CDKL1: variants seen among roughly 807,000 people sequenced by gnomAD.
CDKL1 encodes the protein cyclin-dependent kinase-like 1.
Under a neutral mutation model 42.0 loss-of-function variants are expected in CDKL1, and 41 were observed. The ratio of observed to expected loss-of-function variants is 0.98; its 90% CI spans 0.76 to 1.27. The LOEUF is 1.27. Ranked by LOEUF, CDKL1 falls within the 50% of genes most tolerant of loss-of-function variation. The pLI is 0.00. For missense variants in CDKL1, 394 were observed against 428.4 expected, an observed-to-expected ratio of 0.92 and a Z score of 0.71; for synonymous variants, 153 against 158.6, an observed-to-expected ratio of 0.96 and a Z score of 0.26.
chr14:50,383,565 A>C (rs1211763215), intron 2 of CDKL1, among the ~76,000 whole-genome samples: 5 of 59,076 alleles, frequency 8.5e-5, no homozygotes, highest in African/African-American at 8.3e-5. Flanking sequence ...AAAAAAAAAA[A>C]CAAACAACAA....
intron 3 of CDKL1, among the ~76,000 whole-genome samples, chr14:50,346,912 GT>G (rs2033748199): frequency 6.6e-6 from 1 of 151,962 alleles, no homozygotes; most frequent in Non-Finnish European, 1.5e-5. Flanking sequence ...GCCTCCCAAA[GT>G]GCTGGGATTA....
chr14:50,363,705 C>T (rs2034354184), intron 2 of CDKL1: 1 of 152,250 alleles, frequency 6.6e-6, no homozygotes, highest in South Asian at 2.1e-4. Flanking sequence ...ATCAATTCTA[C>T]CCAAACAAAT....
intron 7 of CDKL1, chr14:50,335,453 T>C: frequency 2.0e-6 from 3 of 1,535,280 alleles, no homozygotes; most frequent in Non-Finnish European, 1.7e-6. Flanking sequence ...CTGCTTCCCT[T>C]CTCAGCCTGC....
intron 2 of CDKL1, among the ~76,000 whole-genome samples, chr14:50,372,802 T>C (rs995174887): frequency 1.3e-4 from 20 of 152,192 alleles, no homozygotes; most frequent in Non-Finnish European, 2.8e-4. Flanking sequence ...TTTCCCACTG[T>C]GTATTCTTGA....
chr14:50,367,365 C>G (rs913701701), intron 2 of CDKL1, among the ~76,000 whole-genome samples: 4 of 152,162 alleles, frequency 2.6e-5, no homozygotes, highest in Admixed American at 2.6e-4. Flanking sequence ...AACTACCTTA[C>G]TCCTCTCTCT....
rs1457497781 is a variant in CDKL1 at position 50,370,131 on chromosome 14, C to T, written c.169-10982G>A. Among the ~76,000 whole-genome samples, 8 of 151,132 alleles carry T rather than the reference C, an allele frequency of 5.3e-5. No individual in the cohort carries two copies. In the East Asian group the frequency reaches 7.8e-4, roughly 15 times the overall value. On this transcript the variant is annotated intron_variant, in intron 2 of 9. Transcript: ENST00000395834. ...TCACCCAGGCTGGAGTGCAGTGGCACGATCTTGGCTCACTCCAACCTCTGC... is the reference window on the plus strand; with the variant it reads ...TCACCCAGGCTGGAGTGCAGTGGCATGATCTTGGCTCACTCCAACCTCTGC...
intron 2 of CDKL1, among the ~76,000 whole-genome samples, chr14:50,376,922 G>T (rs1292375934): frequency 6.6e-6 from 1 of 152,116 alleles, no homozygotes; most frequent in Non-Finnish European, 1.5e-5. Context: ...TTTAAATGAG[G>T]GAAGCCCTCA....
In CDKL1 at chr14:50,329,867, T is replaced by G. The variant is rs908102462; in HGVS notation, c.*207A>C. The G allele has an allele frequency of 5.3e-6, 3 of 569,236 alleles. No homozygotes were observed. The African/African-American group carries it at 5.9e-5, about 11-fold the overall frequency. The allele number at this position is 569,236 out of a possible 1,614,324, so 35.3% of individuals were successfully genotyped here. ...AATACAAGTGCAACTCCAAACAGGT[T>G]TTTTCTTTTCTGGACACCATCATCA... is the stretch of plus-strand genomic sequence containing the variant. On this transcript the variant is annotated 3_prime_UTR_variant, in exon 10 of 10. Coordinates refer to ENST00000395834, the MANE Select transcript of CDKL1 (RefSeq NM_004196.7).
At chr14:50,397,169 G>T, upstream of CDKL1, 1 of 1,366,546 alleles carries the variant, frequency 7.3e-7, no homozygotes, top group Non-Finnish European at 9.8e-7. Flanking sequence ...CCTGCGCTAG[G>T]AGCCCCTCCT....
chr14:50,332,639 T>C, intron 8 of CDKL1: 1 of 1,523,176 alleles, frequency 6.6e-7, no homozygotes, highest in South Asian at 1.2e-5. Context: ...GAAGTAGTAA[T>C]GAAAAATCAT....
At chr14:50,354,759 C>T (rs2034006939) in intron 3 of CDKL1, among the ~76,000 whole-genome samples, 1 of 152,002 alleles carries the variant, frequency 6.6e-6, no homozygotes, top group Non-Finnish European at 1.5e-5. Flanking sequence ...GGATCTTCTC[C>T]AAAAGCTTTC....
intron 3 of CDKL1, among the ~76,000 whole-genome samples, chr14:50,356,141 T>C (rs1009599644): frequency 2.6e-5 from 4 of 152,224 alleles, no homozygotes; most frequent in African/African-American, 9.6e-5. Context: ...TAACCCAACC[T>C]GGCAACACCA....
chr14:50,378,843 G>A (rs2034818811), intron 2 of CDKL1, among the ~76,000 whole-genome samples: 1 of 149,208 alleles, frequency 6.7e-6, no homozygotes, highest in Admixed American at 6.7e-5. Flanking sequence ...CACTGTGCCT[G>A]TCAAGACAAT....
chr14:50,362,910 T>G, intron 2 of CDKL1: 1 of 451,536 alleles, frequency 2.2e-6, no homozygotes, highest in Admixed American at 2.4e-5. Flanking sequence ...ATTCACACTG[T>G]GGAAGCTTTG....
intron 7 of CDKL1, among the ~76,000 whole-genome samples, chr14:50,337,164 G>A (rs532224267): frequency 7.0e-4 from 105 of 150,486 alleles, no homozygotes; most frequent in African/African-American, 2.5e-3. Flanking sequence ...GTGTGCCACC[G>A]TGCCTGGCTA....
intron 8 of CDKL1, chr14:50,334,319 AT>A (rs372894074): frequency 1.2e-4 from 42 of 337,294 alleles, no homozygotes; most frequent in Middle Eastern, 1.3e-3. Context: ...ACCACGCCTA[AT>A]TTTTTTTATT....
chr14:50,368,839 T>C (rs1308765738), intron 2 of CDKL1, among the ~76,000 whole-genome samples: 2 of 151,876 alleles, frequency 1.3e-5, no homozygotes, highest in East Asian at 1.9e-4. Context: ...CCATGAGATT[T>C]TGAAGAATTT....
At chr14:50,358,132 G>T in intron 3 of CDKL1, 1 of 1,347,982 alleles carries the variant, frequency 7.4e-7, no homozygotes, top group Middle Eastern at 2.1e-4. Context: ...TGCACACAAA[G>T]ATGTTGCATA....
At chr14:50,354,301 A>G (rs1030671033) in intron 3 of CDKL1, among the ~76,000 whole-genome samples, 2 of 152,328 alleles carry the variant, frequency 1.3e-5, no homozygotes, top group Non-Finnish European at 2.9e-5. Context: ...AACAAACAAC[A>G]TATCATTTTT....
Sources: gnomAD v4.1 joint callset for allele counts (sites outside exome capture counted in the v4.1 genomes callset) on GRCh38, gnomAD v4.1.1 for gene constraint, MANE v1.5 for transcripts, NCBI Gene and HGNC (gene_info 2026-07-23, HGNC 2026-07-21) for gene names.